SEC14L1: variants seen among roughly 807,000 people sequenced by gnomAD.
The protein encoded by SEC14L1 is SEC14 like lipid binding 1, also known as SEC14-like protein 1.
Under a neutral mutation model 85.3 loss-of-function variants are expected in SEC14L1, and 48 were observed. That is an observed-to-expected ratio of 0.56 (90% confidence interval 0.45 to 0.72). The LOEUF is 0.72. Among genes scored for constraint, SEC14L1 ranks in the 30% least tolerant of loss-of-function variants. The probability of loss-of-function intolerance (pLI) is 0.00; values close to 1 mark genes in which losing one functional copy is unlikely to be tolerated. For synonymous variants in SEC14L1, 391 were observed against 355.5 expected (o/e 1.10, Z -1.12); for missense variants, 682 against 921.4 (o/e 0.74, Z 3.36).
chr17:77,153,091 CAG>C (rs1166827423), intron 3 of SEC14L1, among the ~76,000 whole-genome samples: 1 of 152,078 alleles, frequency 6.6e-6, no homozygotes, highest in African/African-American at 2.4e-5. Context: ...TTTTTTGAGG[CAG>C]AGTTTCACTC....
chr17:77,104,763 C>T (rs1401031953), intron 3 of SEC14L1, among the ~76,000 whole-genome samples: 1 of 147,114 alleles, frequency 6.8e-6, no homozygotes, highest in Non-Finnish European at 1.5e-5. Flanking sequence ...TGCACTCTAG[C>T]CTGGGCAACA....
intron 2 of SEC14L1, among the ~76,000 whole-genome samples, chr17:77,143,207 G>A (rs892413425): frequency 6.6e-6 from 1 of 152,144 alleles, no homozygotes; most frequent in Non-Finnish European, 1.5e-5. Context: ...AATGATCCAA[G>A]CATTAATTAT....
At chr17:77,125,349 T>A (rs1972417842) in intron 3 of SEC14L1, among the ~76,000 whole-genome samples, 1 of 151,812 alleles carries the variant, frequency 6.6e-6, no homozygotes, top group South Asian at 2.1e-4. Context: ...ACTCTTCTTA[T>A]TATTTTCACC....
In SEC14L1 at chr17:77,176,848, A is replaced by G. The variant is rs1028227833; in HGVS notation, c.64-13955A>G. On this transcript the variant is annotated intron_variant, in intron 3 of 16. Coordinates refer to ENST00000436233, the MANE Select transcript of SEC14L1 (RefSeq NM_001143998.2). ...GTGATCCGCCCACCTTGACCTCCCA[A>G]AGTGCTGGGATTACAGGCGTGAGCC... 2.6e-5 allele frequency among the ~76,000 whole-genome samples: 4 copies of G among 151,994 alleles called. No individual in the cohort carries two copies. The East Asian group carries it at 5.8e-4, about 22-fold the overall frequency.
At chr17:77,145,182 T>TG (rs1973246394) in intron 3 of SEC14L1, 1 of 151,018 alleles carries the variant, frequency 6.6e-6, no homozygotes, top group Admixed American at 6.6e-5. Flanking sequence ...TTAGTAGAGA[T>TG]GGGGTTTCTC....
chr17:77,142,794 CAG>C (rs1449777884), intron 2 of SEC14L1, 44 bp downstream of exon 2: 2 of 152,190 alleles, frequency 1.3e-5, no homozygotes, highest in African/African-American at 4.8e-5. Context: ...ATAGGGGAGA[CAG>C]AGGACTGGCA....
At chr17:77,178,916 A>G (rs370588245) in intron 3 of SEC14L1, among the ~76,000 whole-genome samples, 2 of 152,346 alleles carry the variant, frequency 1.3e-5, no homozygotes, top group African/African-American at 2.4e-5. Context: ...GAACACACAG[A>G]TGGTCGCTGG....
chr17:77,212,358 A>G (rs547705015), intron 15 of SEC14L1, among the ~76,000 whole-genome samples, 157 bp downstream of exon 15: 1 of 152,284 alleles, frequency 6.6e-6, no homozygotes, highest in Non-Finnish European at 1.5e-5. Flanking sequence ...GCAGGAAGCC[A>G]AGTGGGTCTC....
intron 3 of SEC14L1, among the ~76,000 whole-genome samples, chr17:77,150,325 G>T (rs1328345898): frequency 6.6e-6 from 1 of 152,176 alleles, no homozygotes; most frequent in African/African-American, 2.4e-5. Context: ...GTGCTGGAGT[G>T]AAACAGACAG....
chr17:77,166,447 G>A (rs1272246294), intron 3 of SEC14L1, among the ~76,000 whole-genome samples: 1 of 152,166 alleles, frequency 6.6e-6, no homozygotes, highest in African/African-American at 2.4e-5. Context: ...AATGGTAACT[G>A]GAGTGGGGCA....
rs1213015811 is a variant in SEC14L1, at chr17:77,216,835, A to C, written c.*2812A>C. 5 of 506,328 alleles carry C rather than the reference A, an allele frequency of 9.9e-6. No homozygotes were observed. The highest frequency in any genetic ancestry group is 1.7e-5 in the Non-Finnish European group (5 of 290,356). 31.4% of individuals were successfully genotyped at this position (506,328 alleles called of 1,614,324 possible). A position where few individuals can be genotyped will look rare whatever the true frequency, so the allele number is the denominator to read the frequency against. ...GGAATTCTGGGGCAGCTATGGTTTG[A>C]GTATGCAGTTTGCATCGTGTTTCTA... is the stretch of plus-strand genomic sequence containing the variant. On this transcript the variant is annotated 3_prime_UTR_variant, in exon 17 of 17. Transcript: ENST00000436233.
chr17:77,093,586 C>G (rs926288984), intron 3 of SEC14L1: 10 of 152,278 alleles, frequency 6.6e-5, no homozygotes, highest in African/African-American at 2.4e-4. Context: ...TTCAAACGAC[C>G]CAGCAAGTGC....
chr17:77,195,111 T>C, intron 7 of SEC14L1, 200 bp downstream of exon 7: 3 of 575,182 alleles, frequency 5.2e-6, no homozygotes, highest in Non-Finnish European at 9.2e-6. Context: ...TTTTTGTTAA[T>C]AGGAAGGATT....
chr17:77,097,595 T>C (rs1210481807), intron 3 of SEC14L1, among the ~76,000 whole-genome samples: 2 of 142,124 alleles, frequency 1.4e-5, no homozygotes, highest in African/African-American at 5.3e-5. Flanking sequence ...GAGTGCTGAT[T>C]GTTAGCTGGT....
chr17:77,155,579 C>T (rs946037740), intron 3 of SEC14L1, among the ~76,000 whole-genome samples: 1 of 152,136 alleles, frequency 6.6e-6, no homozygotes, highest in Non-Finnish European at 1.5e-5. Flanking sequence ...TAGCCCCAGA[C>T]CACTCCTCCT....
chr17:77,212,112 G>A lies in SEC14L1; in HGVS notation c.1774G>A (p.Val592Met), dbSNP rs1252674494. 2.5e-6 allele frequency: 4 copies of A among 1,614,184 alleles called. No individual in the cohort carries two copies. The highest frequency in any genetic ancestry group is 3.4e-6 in the Non-Finnish European group (4 of 1,180,044). The change falls in exon 15 of 17, where the codon GTG (valine) becomes ATG (methionine). Residue 592 changes from valine (V) to methionine (M), a missense_variant. Val to Met is a conservative substitution (Grantham distance 21). Transcript: ENST00000436233. ...HSITSPGGNN[V>M]QLIDKVWQLG... is the part of the protein sequence containing the mutation. ...CATCACCTCTCCGGGTGGGAACAAT[G>A]TGCAGCTCATAGACAAAGTCTGGCA...
intron 3 of SEC14L1, among the ~76,000 whole-genome samples, chr17:77,159,431 A>G (rs1973961862): frequency 7.0e-6 from 1 of 142,008 alleles, no homozygotes; most frequent in Admixed American, 7.3e-5. Context: ...CCCAGGCTGG[A>G]GTGCAGTGGT....
At chr17:77,176,690 G>A (rs1974773472) in intron 3 of SEC14L1, among the ~76,000 whole-genome samples, 1 of 152,168 alleles carries the variant, frequency 6.6e-6, no homozygotes, top group African/African-American at 2.4e-5. Flanking sequence ...AGGTTCAAGT[G>A]ATTCTCCTGC....
At chr17:77,140,062 T>C (rs943491142), upstream of SEC14L1, among the ~76,000 whole-genome samples, 5 of 152,304 alleles carry the variant, frequency 3.3e-5, no homozygotes, top group African/African-American at 4.8e-5. Flanking sequence ...GACAGTGAAA[T>C]TGCATGTTGG....
Sources: allele counts gnomAD v4.1 joint callset (sites outside exome capture counted in the v4.1 genomes callset), GRCh38; gene constraint gnomAD v4.1.1; transcripts MANE v1.5; gene names NCBI Gene and HGNC (gene_info 2026-07-23, HGNC 2026-07-21).